Variants in MIR2052HG observed in about 807,000 individuals in gnomAD.
MIR2052HG encodes MIR2052 host gene.
chr8:74,670,850 A>G (rs1345876521), intron 2 of MIR2052HG, among the ~76,000 whole-genome samples: 1 of 152,136 alleles, frequency 6.6e-6, no homozygotes, highest in Non-Finnish European at 1.5e-5. Context: ...TAATTTTTAA[A>G]TAAACGATTT....
At chr8:74,660,385 A>G (rs947441379) in intron 2 of MIR2052HG, among the ~76,000 whole-genome samples, 4 of 152,202 alleles carry the variant, frequency 2.6e-5, no homozygotes, top group African/African-American at 9.6e-5. Flanking sequence ...CAAACCTATG[A>G]CTAGACTATC....
intron 1 of MIR2052HG, among the ~76,000 whole-genome samples, chr8:74,608,778 T>C (rs944714396): frequency 1.3e-5 from 2 of 152,036 alleles, no homozygotes; most frequent in African/African-American, 4.8e-5. Flanking sequence ...GTATCAAATT[T>C]TGTGAGATGA....
chr8:74,726,643 T>C (rs1809639499), intron 4 of MIR2052HG, among the ~76,000 whole-genome samples: 2 of 152,200 alleles, frequency 1.3e-5, no homozygotes, highest in Non-Finnish European at 2.9e-5. Context: ...AAAGCATCCT[T>C]GTACTAGGAT....
chr8:74,702,247 A>C (rs1266642848), intron 2 of MIR2052HG: 4 of 202,352 alleles, frequency 2.0e-5, no homozygotes. Context: ...CAGAAATGCC[A>C]GGTCTTCCAT....
intron 4 of MIR2052HG, among the ~76,000 whole-genome samples, chr8:74,732,362 C>T: frequency 6.6e-6 from 1 of 151,890 alleles, no homozygotes; most frequent in Non-Finnish European, 1.5e-5. Flanking sequence ...GGAACCAATC[C>T]CCATGGATAC....
chr8:74,719,936 C>T (rs1019994622), intron 4 of MIR2052HG, among the ~76,000 whole-genome samples: 1 of 150,760 alleles, frequency 6.6e-6, no homozygotes, highest in African/African-American at 2.4e-5. Flanking sequence ...CAGCCTCCGC[C>T]TCACAGGTTC....
At chr8:74,719,717 G>A (rs1563539229) in intron 4 of MIR2052HG, among the ~76,000 whole-genome samples, 1 of 151,818 alleles carries the variant, frequency 6.6e-6, no homozygotes, top group Non-Finnish European at 1.5e-5. Flanking sequence ...ATCTCCTTTT[G>A]GTCTCTGGGC....
At chr8:74,734,595 A>G (rs269175) in intron 4 of MIR2052HG, among the ~76,000 whole-genome samples, 34,031 of 152,152 alleles carry the variant, frequency 0.22, 3,909 homozygotes, top group Middle Eastern at 0.31. Context: ...TTTCTTCCCA[A>G]CTGTAGGTCA....
chr8:74,615,710 A>G (rs1005558382), intron 2 of MIR2052HG, among the ~76,000 whole-genome samples: 1 of 151,824 alleles, frequency 6.6e-6, no homozygotes, highest in Non-Finnish European at 1.5e-5. Context: ...TGCTGCACCC[A>G]TTAACTCGTC....
chr8:74,752,007 G>A (rs1177865921), intron 4 of MIR2052HG, among the ~76,000 whole-genome samples: 2 of 151,848 alleles, frequency 1.3e-5, no homozygotes, highest in East Asian at 1.9e-4. Context: ...AACAGTCTAG[G>A]CATAGTCATA....
chr8:74,719,483 G>C (rs1290016080), intron 4 of MIR2052HG, among the ~76,000 whole-genome samples: 1 of 152,090 alleles, frequency 6.6e-6, no homozygotes, highest in Non-Finnish European at 1.5e-5. Flanking sequence ...TGTTGCTTTA[G>C]GCATTACAAT....
At chr8:74,725,911 GC>G (rs1809630809) in intron 4 of MIR2052HG, among the ~76,000 whole-genome samples, 1 of 152,072 alleles carries the variant, frequency 6.6e-6, no homozygotes, top group African/African-American at 2.4e-5. Context: ...AAAACAGTCA[GC>G]TACTGTCTAA....
At chr8:74,653,401 AT>A (rs1039735860) in intron 2 of MIR2052HG, among the ~76,000 whole-genome samples, 6 of 151,982 alleles carry the variant, frequency 3.9e-5, no homozygotes, top group Non-Finnish European at 8.8e-5. Context: ...GACATACATA[AT>A]TTTTTTTAAG....
At chr8:74,673,721 G>A (rs1809017917) in intron 2 of MIR2052HG, among the ~76,000 whole-genome samples, 1 of 151,594 alleles carries the variant, frequency 6.6e-6, no homozygotes, top group Admixed American at 6.6e-5. Flanking sequence ...ACTTTCATCT[G>A]TGTTCTTAGA....
At chr8:74,660,966 A>G (rs1481519112) in intron 2 of MIR2052HG, among the ~76,000 whole-genome samples, 1 of 152,120 alleles carries the variant, frequency 6.6e-6, no homozygotes, top group Admixed American at 6.5e-5. Flanking sequence ...GGCAGAGGAG[A>G]TAATAAATAA....
chr8:74,616,277 G>C (rs1038874438), intron 2 of MIR2052HG, among the ~76,000 whole-genome samples: 107 of 151,422 alleles, frequency 7.1e-4, no homozygotes, highest in Non-Finnish European at 2.1e-4. Flanking sequence ...AGAACCTGTT[G>C]TTTCCTGACT....
chr8:74,745,195 C>T (rs1245729519), intron 4 of MIR2052HG, among the ~76,000 whole-genome samples: 1 of 152,100 alleles, frequency 6.6e-6, no homozygotes, highest in Admixed American at 6.5e-5. Flanking sequence ...CCCAGAAAGT[C>T]GAGGCTGCAG....
rs75835074 is a variant in MIR2052HG, at chr8:74,750,051, G to A, written n.372-2390G>A. Among the ~76,000 whole-genome samples, 165 of 152,202 alleles carry A rather than the reference G, an allele frequency of 1.1e-3. 3 individuals are homozygous for A. The East Asian group carries it at 0.032, about 29-fold the overall frequency. On this transcript the variant is annotated intron_variant and non_coding_transcript_variant, in intron 4 of 6. Transcript: ENST00000523442. ...TCAAAGTCCAGTGGAGGGTCAGCCT[G>A]ACATTTTACTTTGCTGAAACAAGCT...
At chr8:74,659,585 C>T (rs1162274224) in intron 2 of MIR2052HG, among the ~76,000 whole-genome samples, 1 of 152,054 alleles carries the variant, frequency 6.6e-6, no homozygotes, top group Non-Finnish European at 1.5e-5. Flanking sequence ...GGAATACAGG[C>T]ACATACCACT....
Sources: allele counts gnomAD v4.1 joint callset (sites outside exome capture counted in the v4.1 genomes callset), GRCh38; gene constraint gnomAD v4.1.1; transcripts MANE v1.5; gene names NCBI Gene and HGNC (gene_info 2026-07-23, HGNC 2026-07-21).